ACOX2: variants seen among roughly 807,000 people sequenced by gnomAD.
The protein encoded by ACOX2 is acyl-CoA oxidase 2, also known as peroxisomal acyl-coenzyme A oxidase 2.
Under a neutral mutation model 77.5 loss-of-function variants are expected in ACOX2, and 59 were observed. That is an observed-to-expected ratio of 0.76 (90% CI 0.62 to 0.95). The LOEUF (loss-of-function observed/expected upper bound fraction) is 0.95, where lower values mean the gene tolerates loss of function less well. Ranked by LOEUF, ACOX2 falls within the 40% of genes least tolerant of loss-of-function variation. The pLI, the probability that ACOX2 is intolerant of heterozygous loss-of-function variation, is 0.00. For synonymous variants in ACOX2, 317 were observed against 340.1 expected, an observed-to-expected ratio of 0.93 and a Z score of 0.75; for missense variants, 837 against 880.4, an observed-to-expected ratio of 0.95 and a Z score of 0.62.
intron 13 of ACOX2, among the ~76,000 whole-genome samples, chr3:58,510,643 A>AT (rs2063271956): frequency 3.3e-5 from 1 of 30,546 alleles, no homozygotes; most frequent in Non-Finnish European, 5.8e-5. Context: ...AAAAAAAAAA[A>AT]AAAAAAAAAA....
In ACOX2 at chr3:58,522,828, A is replaced by G. The variant is rs1335186355; in HGVS notation, c.1527-227T>C. On this transcript the variant is annotated intron_variant, in intron 11 of 14. Transcript: ENST00000302819. This position sits in a 1 kb window ranked among gnomAD's most constrained non-coding sequence, Gnocchi z 4.3. ...CCCAGAGAGGTTAACCAATTTGTCC[A>G]GGGTCACACAGCTAGTAAGGAGTGG... The G allele has an allele frequency of 1.2e-5, 6 of 487,958 alleles. No individual in the cohort carries two copies. The highest frequency in any genetic ancestry group is 2.2e-5 in the South Asian group (1 of 45,624). 30.2% of individuals were successfully genotyped at this position (487,958 alleles called of 1,614,324 possible).
At position 58,534,288 on chromosome 3, in the gene ACOX2, C is replaced by T; in HGVS notation, c.323+72G>A. On this transcript the variant is annotated intron_variant, in intron 3 of 14. Transcript: ENST00000302819. This position sits in a 1 kb window ranked among gnomAD's most constrained non-coding sequence, Gnocchi z 4.8. Reference sequence around the variant, plus strand: ...CTTCCCTTTGTTGGGGGAAATGGCTCATGGGGCTAGGGGGTTTCCAGGTGA... The same window carrying T: ...CTTCCCTTTGTTGGGGGAAATGGCTTATGGGGCTAGGGGGTTTCCAGGTGA... 6.3e-7 allele frequency: 1 copy of T among 1,588,368 alleles called. No individual in the cohort carries two copies. Among genetic ancestry groups the T allele is most frequent in the Non-Finnish European group, 8.6e-7 (1 of 1,168,248 alleles).
At position 58,533,883 on chromosome 3, in the gene ACOX2, T is replaced by G. The variant is rs1231512126; in HGVS notation, c.475+111A>C. 2.9e-6 allele frequency: 4 copies of G among 1,372,598 alleles called. No homozygotes were observed. The Admixed American group carries it at 6.9e-5, about 24-fold the overall frequency. The allele number at this position is 1,372,598 out of a possible 1,614,324, so 85.0% of individuals were successfully genotyped here. ...GCCAGCTGCTGGAATGTTTTCTTAT[T>G]AAACATATGTCCCTCGGAGCATATG... is the stretch of plus-strand genomic sequence containing the variant. On this transcript the variant is annotated intron_variant, in intron 4 of 14. Transcript: ENST00000302819. The surrounding 1 kb of genome is among the most constrained non-coding windows in gnomAD (Gnocchi z 5.6).
Position 58,528,876 on chromosome 3 carries a change from T to G in ACOX2, c.1073A>C (p.His358Pro). Residue 358 changes from histidine (H) to proline (P), a missense_variant, in exon 9 of 15, where the codon CAT (histidine) becomes CCT (proline). By Grantham distance (77) the His-to-Pro change is moderately conservative. Coordinates refer to ENST00000302819, the MANE Select transcript of ACOX2 (RefSeq NM_003500.4). The surrounding 1 kb of genome is among the most constrained non-coding windows in gnomAD (Gnocchi z 5.6). ...FPQLAISYAF[H>P]FLAVSLLEFF... Reference sequence around the variant, plus strand: ...CTCCAAGAGGCTGACTGCCAGGAAATGGAAGGCATAACTGATGGCCAGCTG... The same window carrying G: ...CTCCAAGAGGCTGACTGCCAGGAAAGGGAAGGCATAACTGATGGCCAGCTG... The G allele has an allele frequency of 6.2e-7, 1 of 1,613,856 alleles. No individual in the cohort carries two copies. The highest frequency in any genetic ancestry group is 8.5e-7 in the Non-Finnish European group (1 of 1,179,870).
Position 58,512,789 on chromosome 3 carries a change from C to T in ACOX2, c.1851-3764G>A, listed in dbSNP as rs562690987. On this transcript the variant is annotated intron_variant, in intron 13 of 14. Coordinates refer to ENST00000302819, the MANE Select transcript of ACOX2 (RefSeq NM_003500.4). The surrounding 1 kb of genome is among the most constrained non-coding windows in gnomAD (Gnocchi z 4.8). ...ACATTATGATAGAGCTGAAAAATTC[C>T]TATTGCTTAGTGATTGATGTTAGAA... is the stretch of plus-strand genomic sequence containing the variant. Among the ~76,000 whole-genome samples, 22 of 152,308 alleles carry T rather than the reference C, an allele frequency of 1.4e-4. No individual in the cohort carries two copies. The South Asian group carries it at 4.4e-3, about 30-fold the overall frequency.
intron 13 of ACOX2, among the ~76,000 whole-genome samples, 154 bp from the exon 14 acceptor site, chr3:58,509,179 A>G (rs1306583195): frequency 1.3e-5 from 2 of 152,244 alleles, no homozygotes; most frequent in East Asian, 1.9e-4. Context: ...TTTTTTAATC[A>G]GTTATATGTG....
chr3:58,518,075 CAAAAAAA>C (rs763535906), intron 12 of ACOX2, among the ~76,000 whole-genome samples: 74 of 47,694 alleles, frequency 1.6e-3, no homozygotes, highest in African/African-American at 5.6e-3. Flanking sequence ...AACTCCATCT[CAAAAAAA>C]AAAAAAAAAA....
rs781106566 is a variant in ACOX2 at position 58,531,280 on chromosome 3, TG to T, written c.789del (p.Arg264GlyfsTer5). Reference sequence around the variant, plus strand: ...GCAAAGCGACTCAGCATGTTCTCCCTGGGGACCCGCACATGGTTCAGCTGCA... The same window carrying T: ...GCAAAGCGACTCAGCATGTTCTCCCTGGGACCCGCACATGGTTCAGCTGCA... ...GFLQLNHVRVPRENMLSRFAQ... is the reference protein window; with the variant it reads ...GFLQLNHVRVXRENMLSRFAQ... On this transcript the variant is annotated frameshift_variant, in exon 7 of 15. Transcript: ENST00000302819. LOFTEE classifies it high-confidence loss of function. The surrounding 1 kb of genome is among the most constrained non-coding windows in gnomAD (Gnocchi z 5.8). 6.2e-6 allele frequency: 10 copies of T among 1,613,186 alleles called. No individual in the cohort carries two copies. The highest frequency in any genetic ancestry group is 8.5e-6 in the Non-Finnish European group (10 of 1,180,012).
In ACOX2 at chr3:58,514,019, G is replaced by A. The variant is rs2107991228; in HGVS notation, c.1850+3187C>T. Among the ~76,000 whole-genome samples the A allele has an allele frequency of 6.6e-6, 1 of 152,266 alleles. No individual in the cohort carries two copies. Among genetic ancestry groups the A allele is most frequent in the South Asian group, 2.1e-4 (1 of 4,828 alleles). The stretch of plus-strand genomic sequence containing the variant: ...AAAGGTCTGGGGGAGGGAGGTGTCA[G>A]TATTTGGCCTATAAAGAACCCTGTG... On this transcript the variant is annotated intron_variant, in intron 13 of 14. Coordinates refer to ENST00000302819, the MANE Select transcript of ACOX2 (RefSeq NM_003500.4). The surrounding 1 kb of genome is among the most constrained non-coding windows in gnomAD (Gnocchi z 4.3).
chr3:58,509,564 A>G (rs1337501778), intron 13 of ACOX2, among the ~76,000 whole-genome samples: 2 of 149,588 alleles, frequency 1.3e-5, no homozygotes, highest in Non-Finnish European at 3.0e-5. Flanking sequence ...ACGAGCATAT[A>G]CCTGTCTGAT....
At chr3:58,536,962 C>T (rs934622739) in intron 1 of ACOX2, among the ~76,000 whole-genome samples, 157 bp downstream of exon 1, 5 of 152,220 alleles carry the variant, frequency 3.3e-5, no homozygotes, top group South Asian at 2.1e-4. Context: ...ACTGTCATGC[C>T]GTGACCCTAA....
chr3:58,535,861 T>C lies in ACOX2; in HGVS notation c.-91-664A>G, dbSNP rs557631725. ...CTATTCCTCCACAGTGAGGCAACCA[T>C]GAGGTGCAGTCCATCCTATTTCACA... is the stretch of plus-strand genomic sequence containing the variant. On this transcript the variant is annotated intron_variant, in intron 1 of 14. Coordinates refer to ENST00000302819, the MANE Select transcript of ACOX2 (RefSeq NM_003500.4). The surrounding 1 kb of genome is among the most constrained non-coding windows in gnomAD (Gnocchi z 4.8). 1.1e-4 allele frequency among the ~76,000 whole-genome samples: 16 copies of C among 152,282 alleles called. No homozygotes were observed. Among genetic ancestry groups the C allele is most frequent in the African/African-American group, 3.4e-4 (14 of 41,566 alleles).
In ACOX2 at chr3:58,519,778, G is replaced by C. The variant is rs1364702235; in HGVS notation, c.1633-2355C>G. Among the ~76,000 whole-genome samples, 3 of 152,224 alleles carry C rather than the reference G, an allele frequency of 2.0e-5. No individual in the cohort carries two copies. Among genetic ancestry groups the C allele is most frequent in the African/African-American group, 7.2e-5 (3 of 41,462 alleles). ...ACATGGTGTGCTCACAGCCATGCTG[G>C]GCTTGCAGCATTTGGCTGTGGAAGG... On this transcript the variant is annotated intron_variant, in intron 12 of 14. Transcript: ENST00000302819. This position sits in a 1 kb window ranked among gnomAD's most constrained non-coding sequence, Gnocchi z 5.0.
chr3:58,532,394 CTTTT>C (rs2063447350), intron 5 of ACOX2, among the ~76,000 whole-genome samples: 1 of 147,062 alleles, frequency 6.8e-6, no homozygotes, highest in South Asian at 2.2e-4. Flanking sequence ...TTCTTTCTTT[CTTTT>C]GTTTTTGAGA....
chr3:58,524,588 T>C lies in ACOX2; in HGVS notation c.1364A>G (p.Tyr455Cys), dbSNP rs779482035. The change falls in exon 11 of 15, where the codon TAC becomes TGC. Residue 455 changes from tyrosine to cysteine, a missense_variant. By Grantham distance (194) the Tyr-to-Cys change is radical (BLOSUM62 -2). Coordinates refer to ENST00000302819, the MANE Select transcript of ACOX2 (RefSeq NM_003500.4). The surrounding 1 kb of genome is among the most constrained non-coding windows in gnomAD (Gnocchi z 5.5). ...GCCAGGGGACATCTGAGTCTGCAGG[T>C]AGCTCTTCACCAGGAACCTGGGGGT... ...LQVARFLVKS[Y>C]LQTQMSPGST... 6.2e-7 allele frequency: 1 copy of C among 1,613,968 alleles called. No homozygotes were observed. The highest frequency in any genetic ancestry group is 2.2e-5 in the East Asian group (1 of 44,878).
At chr3:58,530,695 G>T in intron 7 of ACOX2, 57 bp from the exon 8 acceptor site, 1 of 1,548,288 alleles carries the variant, frequency 6.5e-7, no homozygotes, top group Non-Finnish European at 8.8e-7. Flanking sequence ...GGATGCCCTC[G>T]CTTCTCCAGA....
In ACOX2 at chr3:58,528,979, A is replaced by G; in HGVS notation, c.993-23T>C. The stretch of plus-strand genomic sequence containing the variant: ...TCACTGAAGGGAAAAGAACCAGAAG[A>G]TTTAGATCACTACCTGTTGTGTCCA... On this transcript the variant is annotated intron_variant, in intron 8 of 14. Coordinates refer to ENST00000302819, the MANE Select transcript of ACOX2 (RefSeq NM_003500.4). The surrounding 1 kb of genome is among the most constrained non-coding windows in gnomAD (Gnocchi z 5.6). 1 of 1,594,918 alleles carries G rather than the reference A, an allele frequency of 6.3e-7. No individual in the cohort carries two copies. The highest frequency in any genetic ancestry group is 1.1e-5 in the South Asian group (1 of 87,082).
rs1264165837 is a variant in ACOX2, at chr3:58,514,614, A to G, written c.1850+2592T>C. On this transcript the variant is annotated intron_variant, in intron 13 of 14. Coordinates refer to ENST00000302819, the MANE Select transcript of ACOX2 (RefSeq NM_003500.4). This position sits in a 1 kb window ranked among gnomAD's most constrained non-coding sequence, Gnocchi z 4.3. ...TGTGCCTAATTACCCTGCAGTAGTA[A>G]GGCTACTTAGGAACCATCATGGAAG... 1.3e-5 allele frequency among the ~76,000 whole-genome samples: 2 copies of G among 152,230 alleles called. No individual in the cohort carries two copies. The highest frequency in any genetic ancestry group is 2.9e-5 in the Non-Finnish European group (2 of 68,034).
rs542081764 is a variant in ACOX2, at chr3:58,515,461, A to T, written c.1850+1745T>A. On this transcript the variant is annotated intron_variant, in intron 13 of 14. Coordinates refer to ENST00000302819, the MANE Select transcript of ACOX2 (RefSeq NM_003500.4). The surrounding 1 kb of genome is among the most constrained non-coding windows in gnomAD (Gnocchi z 4.0). ...AAACCTGTCTTAAAATCTTATTTTTAAAAAATTACAAATCTTTTAGAGACA... is the reference window on the plus strand; with the variant it reads ...AAACCTGTCTTAAAATCTTATTTTTTAAAAATTACAAATCTTTTAGAGACA... 3.0e-4 allele frequency among the ~76,000 whole-genome samples: 45 copies of T among 152,278 alleles called. 1 individual carries two copies. Among genetic ancestry groups the T allele is most frequent in the Admixed American group, 2.5e-3 (38 of 15,294 alleles).
Sources: allele counts gnomAD v4.1 joint callset (sites outside exome capture counted in the v4.1 genomes callset), GRCh38; gene constraint gnomAD v4.1.1; non-coding constraint Gnocchi (gnomAD v3.1); transcripts MANE v1.5; gene names NCBI Gene and HGNC (gene_info 2026-07-23, HGNC 2026-07-21).